LRP1B: variants seen among roughly 807,000 people sequenced by gnomAD.
LRP1B encodes low-density lipoprotein receptor-related protein 1B.
In LRP1B, 217 loss-of-function variants were observed where a neutral mutation model predicts 556.6. The observed-to-expected ratio is 0.39, with a 90% CI of 0.35 to 0.44. The LOEUF is 0.44. Ranked by LOEUF, LRP1B falls within the 20% of genes least tolerant of loss-of-function variation. The pLI is 1.00. For synonymous variants in LRP1B, 2,047 were observed against 1,865.8 expected, an observed-to-expected ratio of 1.10 and a Z score of -2.50; for missense variants, 5,053 against 5,620.8, an observed-to-expected ratio of 0.90 and a Z score of 3.23.
chr2:140,303,753 C>T (rs1683943163), intron 83 of LRP1B, among the ~76,000 whole-genome samples: 4 of 152,114 alleles, frequency 2.6e-5, no homozygotes, highest in Admixed American at 1.3e-4. Context: ...TGGTGTGCTG[C>T]ACCCATTAAC....
intron 11 of LRP1B, among the ~76,000 whole-genome samples, chr2:141,027,570 T>C (rs1698249633): frequency 6.6e-6 from 1 of 152,118 alleles, no homozygotes; most frequent in Admixed American, 6.6e-5. Context: ...ACTAAACTCA[T>C]TATGAAAAAA....
At chr2:141,479,931 TGGAAAGATTATGAA>T (rs1202202102) in intron 3 of LRP1B, among the ~76,000 whole-genome samples, 1 of 152,202 alleles carries the variant, frequency 6.6e-6, no homozygotes. Flanking sequence ...TCTAATATCA[TGGAAAGATTATGAA>T]GGAAAAATTT....
chr2:140,629,710 C>T (rs1199509783), intron 41 of LRP1B, among the ~76,000 whole-genome samples: 2 of 152,156 alleles, frequency 1.3e-5, no homozygotes, highest in African/African-American at 2.4e-5. Flanking sequence ...ACATGTAAAG[C>T]AAATCTTCCT....
At chr2:141,957,395 G>A (rs1199140689) in intron 1 of LRP1B, among the ~76,000 whole-genome samples, 6 of 114,820 alleles carry the variant, frequency 5.2e-5, no homozygotes, top group East Asian at 6.6e-4. Flanking sequence ...GGGGGGGGGG[G>A]GCGGGGGGGT....
chr2:140,726,548 T>C (rs543730271), intron 35 of LRP1B, among the ~76,000 whole-genome samples: 123 of 152,228 alleles, frequency 8.1e-4, no homozygotes, highest in African/African-American at 2.9e-3. Context: ...ATGACAAAGC[T>C]TCCTCCTTCC....
intron 4 of LRP1B, among the ~76,000 whole-genome samples, chr2:141,250,907 AG>A (rs1205212092): frequency 6.6e-6 from 1 of 152,172 alleles, no homozygotes; most frequent in Non-Finnish European, 1.5e-5. Flanking sequence ...TCCCCAGCGG[AG>A]GGGTAACATA....
chr2:140,859,319 C>T lies in LRP1B; in HGVS notation c.4580-7536G>A, dbSNP rs13395440. 7.7e-3 allele frequency among the ~76,000 whole-genome samples: 1,166 copies of T among 152,110 alleles called. 16 individuals carry two copies. Among genetic ancestry groups the T allele is most frequent in the African/African-American group, 0.027 (1,113 of 41,498 alleles). Reference sequence around the variant, plus strand: ...ATATTAATAGTCCTATATGAAATCCCTCATCCTTCAGGTTTTGTAAGTGAT... The same window carrying T: ...ATATTAATAGTCCTATATGAAATCCTTCATCCTTCAGGTTTTGTAAGTGAT... On this transcript the variant is annotated intron_variant, in intron 27 of 90. Coordinates refer to ENST00000389484, the MANE Select transcript of LRP1B (RefSeq NM_018557.3).
At chr2:141,882,893 G>A (rs1011916102) in intron 1 of LRP1B, among the ~76,000 whole-genome samples, 2 of 152,098 alleles carry the variant, frequency 1.3e-5, no homozygotes, top group Admixed American at 6.6e-5. Context: ...GAGTCAACCA[G>A]CTGATGAGTC....
chr2:140,330,793 T>C (rs1680768324), intron 79 of LRP1B, among the ~76,000 whole-genome samples: 1 of 152,080 alleles, frequency 6.6e-6, no homozygotes, highest in Non-Finnish European at 1.5e-5. Context: ...ACCTACAGAA[T>C]GGTAGACAAT....
At chr2:141,826,521 G>C (rs567309709) in intron 1 of LRP1B, among the ~76,000 whole-genome samples, 1 of 151,830 alleles carries the variant, frequency 6.6e-6, no homozygotes, top group Non-Finnish European at 1.5e-5. Context: ...CACCATGCCC[G>C]GCTAACTTTT....
intron 2 of LRP1B, among the ~76,000 whole-genome samples, chr2:141,632,431 T>C (rs1254515935): frequency 2.6e-5 from 4 of 152,136 alleles, no homozygotes; most frequent in African/African-American, 9.7e-5. Context: ...GTCAGTGAAG[T>C]ATTATCTGGC....
At chr2:141,602,076 C>T (rs181501384) in intron 2 of LRP1B, among the ~76,000 whole-genome samples, 190 of 152,084 alleles carry the variant, frequency 1.2e-3, no homozygotes, top group African/African-American at 4.0e-3. Context: ...GCTACCATGC[C>T]GTCTATCATC....
At chr2:142,011,044 T>C (rs1249546886) in intron 1 of LRP1B, among the ~76,000 whole-genome samples, 1 of 152,226 alleles carries the variant, frequency 6.6e-6, no homozygotes, top group African/African-American at 2.4e-5. Flanking sequence ...AACAATTACT[T>C]GATTGAAGAT....
intron 45 of LRP1B, among the ~76,000 whole-genome samples, chr2:140,539,134 T>C (rs13414459): frequency 0.014 from 2,113 of 152,220 alleles, 32 homozygotes; most frequent in African/African-American, 0.036. Flanking sequence ...GCAAGGGGAC[T>C]GCCTAATCTT....
intron 35 of LRP1B, among the ~76,000 whole-genome samples, chr2:140,738,665 T>C (rs1239109953): frequency 6.6e-6 from 1 of 152,112 alleles, no homozygotes; most frequent in African/African-American, 2.4e-5. Context: ...CTGCTAAAAT[T>C]TCCTTCCCTT....
chr2:140,529,381 A>G (rs1281518247), intron 47 of LRP1B, among the ~76,000 whole-genome samples: 1 of 150,424 alleles, frequency 6.6e-6, no homozygotes. Context: ...ACCTAAGTCA[A>G]TTCTCTCTTC....
chr2:140,582,282 T>C (rs62171940), intron 43 of LRP1B, among the ~76,000 whole-genome samples: 33,242 of 152,070 alleles, frequency 0.22, 3,782 homozygotes, highest in Admixed American at 0.29. Flanking sequence ...TCTGATTTAA[T>C]TGTTCTCAGA....
intron 1 of LRP1B, among the ~76,000 whole-genome samples, chr2:141,824,765 C>T (rs536906464): frequency 3.5e-4 from 54 of 152,352 alleles, no homozygotes; most frequent in Middle Eastern, 3.4e-3. Context: ...CACCTGCTCA[C>T]TGATACTTAA....
At chr2:141,051,046 T>C (rs1699021033) in intron 10 of LRP1B, among the ~76,000 whole-genome samples, 1 of 152,078 alleles carries the variant, frequency 6.6e-6, no homozygotes, top group Non-Finnish European at 1.5e-5. Context: ...TCACCTGTCA[T>C]TAGAGAAATG....
Sources: allele counts gnomAD v4.1 joint callset (sites outside exome capture counted in the v4.1 genomes callset), GRCh38; gene constraint gnomAD v4.1.1; transcripts MANE v1.5; gene names NCBI Gene and HGNC (gene_info 2026-07-23, HGNC 2026-07-21).